ALX4: variants seen among roughly 807,000 people sequenced by gnomAD.
ALX4 encodes homeobox protein aristaless-like 4.
In ALX4, 22 loss-of-function variants were observed where a neutral mutation model predicts 40.6. The observed-to-expected ratio is 0.54, with a 90% CI of 0.39 to 0.77. The LOEUF is 0.77. Among genes scored for constraint, ALX4 ranks in the 30% least tolerant of loss-of-function variants. The pLI, the probability that ALX4 is intolerant of heterozygous loss-of-function variation, is 0.00. For missense variants in ALX4, 556 were observed against 564.8 expected (o/e 0.98, Z 0.16); for synonymous variants, 266 against 240.5 (o/e 1.11, Z -0.98).
At chr11:44,275,317 C>G (rs757581336) in intron 2 of ALX4, 31 bp downstream of exon 2, 1 of 1,613,246 alleles carries the variant, frequency 6.2e-7, no homozygotes, top group East Asian at 2.2e-5. Flanking sequence ...CTCTGCTTTA[C>G]CAGCCTCACT....
intron 1 of ALX4, among the ~76,000 whole-genome samples, chr11:44,278,704 C>T (rs1956292110): frequency 6.6e-6 from 1 of 152,210 alleles, no homozygotes; most frequent in African/African-American, 2.4e-5. Flanking sequence ...GGCCCCCGCT[C>T]TTCTCAGGAC....
chr11:44,266,053 T>A (rs762191063), intron 3 of ALX4, among the ~76,000 whole-genome samples: 9 of 152,184 alleles, frequency 5.9e-5, no homozygotes, highest in Non-Finnish European at 1.3e-4. Context: ...CCTGCCCTCC[T>A]GCATGTGTCT....
At chr11:44,288,683 T>C (rs943352505) in intron 1 of ALX4, among the ~76,000 whole-genome samples, 17 of 152,236 alleles carry the variant, frequency 1.1e-4, no homozygotes, top group Non-Finnish European at 2.5e-4. Flanking sequence ...GAAGCCACTG[T>C]GACCCAATTA....
intron 1 of ALX4, among the ~76,000 whole-genome samples, chr11:44,300,313 C>T (rs983852535): frequency 6.6e-6 from 1 of 152,144 alleles, no homozygotes; most frequent in Admixed American, 6.5e-5. Flanking sequence ...AACAGGGGAG[C>T]CATGCAGTAG....
intron 3 of ALX4, among the ~76,000 whole-genome samples, chr11:44,265,971 G>A (rs1264036027): frequency 1.3e-5 from 2 of 151,378 alleles, no homozygotes; most frequent in African/African-American, 2.4e-5. Context: ...GAATTAGGGT[G>A]TGGGGGAGAC....
chr11:44,265,843 G>C (rs1231516425), intron 3 of ALX4, among the ~76,000 whole-genome samples: 2 of 152,178 alleles, frequency 1.3e-5, no homozygotes, highest in Non-Finnish European at 2.9e-5. Flanking sequence ...GCGAGGGCAT[G>C]TGCAGGGATG....
At chr11:44,299,821 C>T (rs751110959) in intron 1 of ALX4, among the ~76,000 whole-genome samples, 5 of 152,192 alleles carry the variant, frequency 3.3e-5, no homozygotes, top group Non-Finnish European at 5.9e-5. Context: ...CTGGCTGTCT[C>T]ACTGTGGACG....
rs10769028 is a variant in ALX4, at chr11:44,275,504, T to C, written c.621A>G (p.Ser207=). 1 allele frequency: 1,611,834 copies of C among 1,614,170 alleles called. 804,777 individuals are homozygous for C. The highest frequency in any genetic ancestry group is 1 in the East Asian group (44,864 of 44,866). The change falls in exon 2 of 4, where the codon TCA becomes TCG. Residue 207 remains serine, a synonymous_variant. Transcript: ENST00000652299. ...GCCGCTTCTTGCCCTTGTTGCTCTC[T>C]GAGTCGGCCTTCTCCAATGGGCTGG... ...DLPSPLEKAD[S]ESNKGKKRRN...
intron 1 of ALX4, among the ~76,000 whole-genome samples, chr11:44,296,111 G>C (rs929939224): frequency 1.3e-5 from 2 of 152,190 alleles, no homozygotes; most frequent in Non-Finnish European, 1.5e-5. Context: ...TCATTCAGGG[G>C]CCAGATAGAC....
intron 1 of ALX4, among the ~76,000 whole-genome samples, chr11:44,290,500 T>C (rs575051039): frequency 6.6e-6 from 1 of 152,292 alleles, no homozygotes; most frequent in South Asian, 2.1e-4. Context: ...ACAGGGGCCA[T>C]GGTTACAGTG....
At chr11:44,265,395 G>A (rs1002209349) in intron 3 of ALX4, among the ~76,000 whole-genome samples, 1 of 152,146 alleles carries the variant, frequency 6.6e-6, no homozygotes, top group Admixed American at 6.5e-5. Context: ...TAGCAGCAGA[G>A]GGAAATTCAG....
intron 1 of ALX4, among the ~76,000 whole-genome samples, chr11:44,295,889 G>A (rs1329800419): frequency 6.6e-6 from 1 of 152,350 alleles, no homozygotes; most frequent in East Asian, 1.9e-4. Flanking sequence ...GAATATCCAG[G>A]GGCCTAGCCA....
chr11:44,262,577 A>AGCTCTC lies in ALX4; in HGVS notation c.*2271_*2276dup, dbSNP rs1956188678. The stretch of plus-strand genomic sequence containing the variant: ...GGCCACTGCGGAAGAGCCCCCTTAA[A>AGCTCTC]GCTCTCACTCTCCCTCCCTGCCTGC... On this transcript the variant is annotated 3_prime_UTR_variant, in exon 4 of 4. Transcript: ENST00000652299. 2 of 152,082 alleles carry AGCTCTC rather than the reference A, an allele frequency of 1.3e-5. No homozygotes were observed. Among genetic ancestry groups the AGCTCTC allele is most frequent in the African/African-American group, 4.8e-5 (2 of 41,360 alleles). The allele number at this position is 152,082 out of a possible 1,614,324, so 9.4% of individuals were successfully genotyped here. A position where few individuals can be genotyped will look rare whatever the true frequency, so the allele number is the denominator to read the frequency against.
chr11:44,284,325 G>T (rs994395967), intron 1 of ALX4, among the ~76,000 whole-genome samples: 1 of 152,178 alleles, frequency 6.6e-6, no homozygotes, highest in Non-Finnish European at 1.5e-5. Context: ...CATGCTCTGA[G>T]AGCGGGCTGG....
At chr11:44,267,394 C>G in intron 3 of ALX4, 100 bp downstream of exon 3, 2 of 1,508,716 alleles carry the variant, frequency 1.3e-6, no homozygotes, top group Non-Finnish European at 1.8e-6. Context: ...CAGCCTGGAG[C>G]CATAAGTCAT....
At chr11:44,279,197 C>T (rs1380282375) in intron 1 of ALX4, among the ~76,000 whole-genome samples, 1 of 152,186 alleles carries the variant, frequency 6.6e-6, no homozygotes, top group Non-Finnish European at 1.5e-5. Flanking sequence ...TCTTTAGACC[C>T]AGCCCATGTC....
chr11:44,273,190 TAAAAAAA>T (rs35856858), intron 2 of ALX4, among the ~76,000 whole-genome samples: 43 of 137,624 alleles, frequency 3.1e-4, no homozygotes, highest in African/African-American at 1.0e-3. Context: ...CTTTGCTGAT[TAAAAAAA>T]AAAAAAAAAA....
chr11:44,269,121 C>T (rs1956230298), intron 2 of ALX4, among the ~76,000 whole-genome samples: 3 of 152,220 alleles, frequency 2.0e-5, no homozygotes, highest in South Asian at 2.1e-4. Flanking sequence ...CTAGGAACCA[C>T]TGCGAGGAGG....
Position 44,275,550 on chromosome 11 carries a change from T to C in ALX4, c.575A>G (p.Asp192Gly), listed in dbSNP as rs945149652. The C allele has an allele frequency of 3.1e-6, 5 of 1,614,162 alleles. No individual in the cohort carries two copies. The highest frequency in any genetic ancestry group is 4.2e-6 in the Non-Finnish European group (5 of 1,180,016). Reference sequence around the variant, plus strand: ...GCTGGGGAGGTCTGAGCTGGCCCGGTCCTGGGGCCCCTTCACCCCAGCCTC... The same window carrying C: ...GCTGGGGAGGTCTGAGCTGGCCCGGCCCTGGGGCCCCTTCACCCCAGCCTC... ...VKEAGVKGPQ[D>G]RASSDLPSPL... Residue 192 changes from aspartate to glycine, a missense_variant, in exon 2 of 4, where the codon GAC (aspartate) becomes GGC (glycine). Physicochemically the swap from Asp to Gly is moderately conservative, Grantham distance 94. Transcript: ENST00000652299.
Sources: allele counts gnomAD v4.1 joint callset (sites outside exome capture counted in the v4.1 genomes callset), GRCh38; gene constraint gnomAD v4.1.1; transcripts MANE v1.5; gene names NCBI Gene and HGNC (gene_info 2026-07-23, HGNC 2026-07-21).